Variants in KCNIP4 observed in about 807,000 individuals in gnomAD.
The protein encoded by KCNIP4 is potassium voltage-gated channel interacting protein 4.
Under a neutral mutation model 34.0 loss-of-function variants are expected in KCNIP4, and 12 were observed. The ratio of observed to expected loss-of-function variants is 0.35; its 90% CI spans 0.23 to 0.57. The LOEUF is 0.57. KCNIP4 is among the 20% of genes least tolerant of loss of function. The pLI is 0.83. For synonymous variants in KCNIP4, 124 were observed against 102.2 expected, an observed-to-expected ratio of 1.21 and a Z score of -1.29; for missense variants, 238 against 311.7, an observed-to-expected ratio of 0.76 and a Z score of 1.78.
chr4:21,429,062 A>G (rs1370502047), intron 1 of KCNIP4, among the ~76,000 whole-genome samples: 1 of 152,172 alleles, frequency 6.6e-6, no homozygotes, highest in Non-Finnish European at 1.5e-5. Flanking sequence ...ATATGTAATG[A>G]CATATATCCA....
intron 1 of KCNIP4, among the ~76,000 whole-genome samples, chr4:20,890,600 A>G (rs552565495): frequency 6.6e-6 from 1 of 152,312 alleles, no homozygotes; most frequent in Non-Finnish European, 1.5e-5. Context: ...AGTTGGCTAC[A>G]TAAACCACTG....
chr4:21,446,546 G>A (rs372527715), intron 1 of KCNIP4, among the ~76,000 whole-genome samples: 4 of 147,304 alleles, frequency 2.7e-5, no homozygotes, highest in Admixed American at 2.1e-4. Context: ...AACACCGCAT[G>A]TTCTCACTTA....
chr4:21,482,770 G>A lies in KCNIP4; in HGVS notation c.61+465801C>T, dbSNP rs576595699. On this transcript the variant is annotated intron_variant, in intron 1 of 8. Transcript: ENST00000382152. ...TTTTTTCCTTCATTTCAACTTTGGTGAATCTGACAATTATGTGTCTTGGAG... is the reference window on the plus strand; with the variant it reads ...TTTTTTCCTTCATTTCAACTTTGGTAAATCTGACAATTATGTGTCTTGGAG... Among the ~76,000 whole-genome samples, 205 of 152,126 alleles carry A rather than the reference G, an allele frequency of 1.3e-3. 1 individual carries two copies. Among genetic ancestry groups the A allele is most frequent in the African/African-American group, 4.8e-3 (200 of 41,496 alleles).
intron 1 of KCNIP4, among the ~76,000 whole-genome samples, chr4:21,083,379 C>T (rs1451861344): frequency 6.6e-6 from 1 of 151,726 alleles, no homozygotes; most frequent in Non-Finnish European, 1.5e-5. Context: ...GTACTAATCC[C>T]TGGGAGCTTA....
intron 3 of KCNIP4, among the ~76,000 whole-genome samples, chr4:20,813,552 A>G (rs1176506364): frequency 1.3e-5 from 2 of 152,186 alleles, no homozygotes; most frequent in Non-Finnish European, 2.9e-5. Context: ...AAATGGGATA[A>G]TGTATAATTT....
At chr4:21,630,812 T>C (rs1745713462) in intron 1 of KCNIP4, among the ~76,000 whole-genome samples, 1 of 152,152 alleles carries the variant, frequency 6.6e-6, no homozygotes, top group African/African-American at 2.4e-5. Flanking sequence ...GAGCCCAAAC[T>C]CCTTTGCATA....
At chr4:21,734,317 G>A (rs1364106211) in intron 1 of KCNIP4, among the ~76,000 whole-genome samples, 3 of 152,112 alleles carry the variant, frequency 2.0e-5, no homozygotes, top group Admixed American at 6.6e-5. Flanking sequence ...AGACAAACGT[G>A]ACTCAGTATC....
chr4:20,738,385 C>A (rs568824580), intron 5 of KCNIP4, among the ~76,000 whole-genome samples: 1 of 152,132 alleles, frequency 6.6e-6, no homozygotes, highest in Non-Finnish European at 1.5e-5. Flanking sequence ...AACACAGTCA[C>A]CTGGGGAGTG....
At chr4:20,865,649 C>T (rs116817680) in intron 2 of KCNIP4, among the ~76,000 whole-genome samples, 2 of 151,452 alleles carry the variant, frequency 1.3e-5, no homozygotes, top group Non-Finnish European at 1.5e-5. Flanking sequence ...ACATAAAGAA[C>T]CTAAAAAAAT....
rs1363138094 is a variant in KCNIP4, at chr4:20,728,812, T to C, written c.*1270A>G. 3 of 152,576 alleles carry C rather than the reference T, an allele frequency of 2.0e-5. No individual in the cohort carries two copies. Among genetic ancestry groups the C allele is most frequent in the Admixed American group, 6.6e-5 (1 of 15,264 alleles). 9.5% of individuals were successfully genotyped at this position (152,576 alleles called of 1,614,324 possible). ...CCTGATTTATTGTTGCAAAGACAGTTGCAAATTTCCTCCTTCTGTAGCCTC... is the reference window on the plus strand; with the variant it reads ...CCTGATTTATTGTTGCAAAGACAGTCGCAAATTTCCTCCTTCTGTAGCCTC... On this transcript the variant is annotated 3_prime_UTR_variant, in exon 9 of 9. Transcript: ENST00000382152.
At chr4:21,330,518 A>T (rs1040774645) in intron 1 of KCNIP4, among the ~76,000 whole-genome samples, 3 of 152,188 alleles carry the variant, frequency 2.0e-5, no homozygotes, top group Non-Finnish European at 4.4e-5. Context: ...TGGATAAATG[A>T]GTGATGACAT....
intron 1 of KCNIP4, among the ~76,000 whole-genome samples, chr4:21,474,841 T>TA (rs56801156): frequency 0.033 from 4,872 of 148,352 alleles, 100 homozygotes; most frequent in Non-Finnish European, 0.044. Context: ...CTAAAAATAA[T>TA]AAAAAAAAAA....
rs781345485 is a variant in KCNIP4 at position 21,694,933 on chromosome 4, AAAATAAATAAAT to A, written c.61+253626_61+253637del. Reference sequence around the variant, plus strand: ...ATTGACCAAAAAAAAAAAAAAAATAAAAATAAATAAATAAATAAAGGGCTTTTTGGTAAAAAG... The same window carrying A: ...ATTGACCAAAAAAAAAAAAAAAATAAAAATAAAGGGCTTTTTGGTAAAAAG... On this transcript the variant is annotated intron_variant, in intron 1 of 8. Transcript: ENST00000382152. Among the ~76,000 whole-genome samples, 493 of 61,526 alleles carry A rather than the reference AAAATAAATAAAT, an allele frequency of 8.0e-3. 24 individuals carry two copies. The highest frequency in any genetic ancestry group is 0.019 in the African/African-American group (440 of 23,500). 40.4% of individuals were successfully genotyped at this position (61,526 alleles called of 152,430 possible).
chr4:20,788,602 T>C (rs1189277363), intron 3 of KCNIP4, among the ~76,000 whole-genome samples: 1 of 152,088 alleles, frequency 6.6e-6, no homozygotes, highest in Non-Finnish European at 1.5e-5. Flanking sequence ...TCAAAAATAA[T>C]AAATGGTTAT....
chr4:21,488,860 T>C (rs1250852287), intron 1 of KCNIP4, among the ~76,000 whole-genome samples: 1 of 152,046 alleles, frequency 6.6e-6, no homozygotes, highest in African/African-American at 2.4e-5. Flanking sequence ...TATCCAGATA[T>C]CCAAGCCAAG....
intron 1 of KCNIP4, among the ~76,000 whole-genome samples, chr4:20,892,363 C>T (rs1010215056): frequency 2.6e-5 from 4 of 152,154 alleles, no homozygotes; most frequent in African/African-American, 9.7e-5. Context: ...TACTCTCTGT[C>T]AGCCTTTCCA....
At chr4:20,766,185 ACTGT>A (rs1290478563) in intron 3 of KCNIP4, among the ~76,000 whole-genome samples, 2 of 152,160 alleles carry the variant, frequency 1.3e-5, no homozygotes, top group African/African-American at 4.8e-5. Flanking sequence ...AAATGAATGA[ACTGT>A]CTTAGAGAGG....
chr4:21,229,163 A>T (rs934627878), intron 1 of KCNIP4, among the ~76,000 whole-genome samples: 3 of 152,110 alleles, frequency 2.0e-5, no homozygotes, highest in Non-Finnish European at 2.9e-5. Flanking sequence ...CCACATCATC[A>T]TCATTTCCCA....
At chr4:21,534,410 T>G (rs1736983468) in intron 1 of KCNIP4, among the ~76,000 whole-genome samples, 1 of 152,166 alleles carries the variant, frequency 6.6e-6, no homozygotes, top group African/African-American at 2.4e-5. Context: ...TTATTTTCAT[T>G]TAATTTTAAT....
Sources: gnomAD v4.1 joint callset for allele counts (sites outside exome capture counted in the v4.1 genomes callset) on GRCh38, gnomAD v4.1.1 for gene constraint, MANE v1.5 for transcripts, NCBI Gene and HGNC (gene_info 2026-07-23, HGNC 2026-07-21) for gene names.